The following PRKAR2A variants were observed in gnomAD, a reference collection of about 807,000 sequenced individuals.
PRKAR2A encodes the protein protein kinase cAMP-dependent type II regulatory subunit alpha, also known as cAMP-dependent protein kinase type II-alpha regulatory subunit.
PRKAR2A carries 29 observed loss-of-function variants against 51.9 expected under a neutral mutation model. That is an observed-to-expected ratio of 0.56 (90% CI 0.42 to 0.76). The LOEUF is 0.76. PRKAR2A is among the 30% of genes least tolerant of loss of function. The pLI is 0.00. For missense variants in PRKAR2A, 445 were observed against 512.1 expected (o/e 0.87, Z 1.26); for synonymous variants, 178 against 186.2 (o/e 0.96, Z 0.36).
chr3:48,836,452 A>AAAGCTTTTT (rs1422730797), intron 1 of PRKAR2A, among the ~76,000 whole-genome samples: 1 of 128,452 alleles, frequency 7.8e-6, no homozygotes, highest in African/African-American at 3.0e-5. Context: ...AAAGAAGAAG[A>AAAGCTTTTT]AAGCTTTTTT....
At chr3:48,760,318 T>C (rs988172845) in intron 8 of PRKAR2A, among the ~76,000 whole-genome samples, 41 of 151,926 alleles carry the variant, frequency 2.7e-4, no homozygotes, top group African/African-American at 9.4e-4. Context: ...GATTGTGCCA[T>C]TGCACTCCAG....
intron 5 of PRKAR2A, among the ~76,000 whole-genome samples, chr3:48,780,183 T>C (rs1273615694): frequency 6.6e-6 from 1 of 151,556 alleles, no homozygotes; most frequent in Non-Finnish European, 1.5e-5. Context: ...CAAAAAAACC[T>C]ATTCTGTCAT....
intron 1 of PRKAR2A, among the ~76,000 whole-genome samples, chr3:48,824,766 T>C (rs1056719689): frequency 2.6e-5 from 4 of 151,706 alleles, no homozygotes; most frequent in African/African-American, 4.8e-5. Flanking sequence ...GGCCAACATG[T>C]GAAACCCTGT....
chr3:48,775,846 G>A (rs1283862271), intron 5 of PRKAR2A, among the ~76,000 whole-genome samples: 4 of 152,058 alleles, frequency 2.6e-5, no homozygotes, highest in African/African-American at 9.7e-5. Context: ...AGTGGCTCAC[G>A]CCTGTAATCC....
intron 1 of PRKAR2A, among the ~76,000 whole-genome samples, chr3:48,835,473 A>G (rs1042820242): frequency 1.3e-5 from 2 of 151,648 alleles, no homozygotes; most frequent in African/African-American, 4.8e-5. Context: ...AACCCCATCT[A>G]TACTAAAAAT....
At chr3:48,796,769 C>A (rs1454104512) in intron 2 of PRKAR2A, among the ~76,000 whole-genome samples, 6 of 149,882 alleles carry the variant, frequency 4.0e-5, no homozygotes, top group African/African-American at 1.5e-4. Flanking sequence ...AGATTACAGA[C>A]GTGAGCAACC....
chr3:48,838,690 G>A (rs2083325430), intron 1 of PRKAR2A, among the ~76,000 whole-genome samples: 1 of 151,872 alleles, frequency 6.6e-6, no homozygotes, highest in African/African-American at 2.4e-5. Flanking sequence ...TCTAAAAATT[G>A]TTATGGCGCC....
chr3:48,759,363 C>T (rs1484928625), intron 8 of PRKAR2A, among the ~76,000 whole-genome samples: 1 of 150,668 alleles, frequency 6.6e-6, no homozygotes, highest in African/African-American at 2.4e-5. Flanking sequence ...AAAGAGAGCT[C>T]ACTGGAAGAG....
intron 1 of PRKAR2A, among the ~76,000 whole-genome samples, chr3:48,830,397 G>T (rs1371312445): frequency 6.6e-6 from 1 of 152,100 alleles, no homozygotes; most frequent in African/African-American, 2.4e-5. Context: ...TGATTACAAT[G>T]AATTCTTCTG....
chr3:48,754,241 CTTT>C (rs1195616357), intron 9 of PRKAR2A, among the ~76,000 whole-genome samples: 2 of 125,226 alleles, frequency 1.6e-5, no homozygotes. Context: ...CTACTTTTTT[CTTT>C]TTTTTTTTTT....
chr3:48,829,724 T>C (rs1386609421), intron 1 of PRKAR2A, among the ~76,000 whole-genome samples: 1 of 126,230 alleles, frequency 7.9e-6, no homozygotes, highest in Non-Finnish European at 1.6e-5. Context: ...GTATATATTT[T>C]ATATATACGT....
chr3:48,820,168 T>G (rs2082939288), intron 1 of PRKAR2A, among the ~76,000 whole-genome samples: 1 of 152,228 alleles, frequency 6.6e-6, no homozygotes, highest in South Asian at 2.1e-4. Context: ...GCTCTTTAGT[T>G]TGGATCAGGA....
At chr3:48,780,405 C>G (rs1321869597) in intron 5 of PRKAR2A, among the ~76,000 whole-genome samples, 2 of 151,772 alleles carry the variant, frequency 1.3e-5, no homozygotes, top group East Asian at 1.9e-4. Flanking sequence ...AGTTCGAGAC[C>G]AGCCTGACCA....
At chr3:48,814,494 T>C (rs1170339011) in intron 1 of PRKAR2A, among the ~76,000 whole-genome samples, 1 of 152,216 alleles carries the variant, frequency 6.6e-6, no homozygotes, top group African/African-American at 2.4e-5. Flanking sequence ...GATATTCAAC[T>C]GACTTTAACA....
intron 4 of PRKAR2A, 32 bp from the exon 5 acceptor site, chr3:48,783,124 C>G: frequency 7.1e-7 from 1 of 1,415,894 alleles, no homozygotes; most frequent in Non-Finnish European, 9.9e-7. Context: ...AAAAAAATAG[C>G]CTTTACATAT....
chr3:48,829,221 A>C (rs1021935777), intron 1 of PRKAR2A, among the ~76,000 whole-genome samples: 6 of 151,840 alleles, frequency 4.0e-5, no homozygotes, highest in African/African-American at 1.5e-4. Flanking sequence ...TTAAAACAGA[A>C]ATAAATGAAA....
At chr3:48,790,705 C>T in intron 3 of PRKAR2A, 78 bp from the exon 4 acceptor site, 1 of 921,116 alleles carries the variant, frequency 1.1e-6, no homozygotes. Context: ...ATATTTGTTT[C>T]TCCAAAAAGT....
At chr3:48,824,647 A>G (rs1434274875) in intron 1 of PRKAR2A, among the ~76,000 whole-genome samples, 1 of 152,128 alleles carries the variant, frequency 6.6e-6, no homozygotes, top group Non-Finnish European at 1.5e-5. Context: ...TAAAAGTTGA[A>G]TAAGAATGGC....
Position 48,764,998 on chromosome 3 carries a change from A to G in PRKAR2A, c.873+6T>C, listed in dbSNP as rs769543099. On this transcript the variant is annotated splice_donor_region_variant and intron_variant, in intron 8 of 10. Transcript: ENST00000265563. ...AGGAAAGGAGCTGCGTAAAGCCCTC[A>G]CTCACCTGAGTGATTATGCGTTCTC... 2.5e-6 allele frequency: 4 copies of G among 1,612,810 alleles called. No individual in the cohort carries two copies. Among genetic ancestry groups the G allele is most frequent in the Non-Finnish European group, 3.4e-6 (4 of 1,178,860 alleles).
Sources: gnomAD v4.1 joint callset for allele counts (sites outside exome capture counted in the v4.1 genomes callset) on GRCh38, gnomAD v4.1.1 for gene constraint, MANE v1.5 for transcripts, NCBI Gene and HGNC (gene_info 2026-07-23, HGNC 2026-07-21) for gene names.